RBM18: variants seen among roughly 807,000 people sequenced by gnomAD.
The protein encoded by RBM18 is probable RNA-binding protein 18.
In RBM18, 18 loss-of-function variants were observed where a neutral mutation model predicts 26.4. That is an observed-to-expected ratio of 0.68 (90% CI 0.47 to 1.01). The LOEUF (loss-of-function observed/expected upper bound fraction) is 1.01, where lower values mean the gene tolerates loss of function less well. Among genes scored for constraint, RBM18 ranks in the 50% least tolerant of loss-of-function variants. The probability of loss-of-function intolerance (pLI) is 0.00; values close to 1 mark genes in which losing one functional copy is unlikely to be tolerated. For synonymous variants in RBM18, 74 were observed against 81.1 expected, an observed-to-expected ratio of 0.91 and a Z score of 0.47; for missense variants, 180 against 219.2, an observed-to-expected ratio of 0.82 and a Z score of 1.13.
rs1006730115 is a variant in RBM18 at position 122,241,587 on chromosome 9, C to A, written c.*297G>T. 8.1e-5 allele frequency: 21 copies of A among 259,478 alleles called. No homozygotes were observed. The highest frequency in any genetic ancestry group is 1.4e-4 in the Non-Finnish European group (19 of 138,350). 16.1% of individuals were successfully genotyped at this position (259,478 alleles called of 1,614,324 possible). ...ATATTTTGTGTATTTGCCTTTTGCTCTGGCACACTATAGAATGTTTCTGGA... is the reference window on the plus strand; with the variant it reads ...ATATTTTGTGTATTTGCCTTTTGCTATGGCACACTATAGAATGTTTCTGGA... On this transcript the variant is annotated 3_prime_UTR_variant, in exon 6 of 6. Transcript: ENST00000417201.
At position 122,251,969 on chromosome 9, in the gene RBM18, G is replaced by A. The variant is rs1337675173; in HGVS notation, c.118C>T (p.His40Tyr). The A allele has an allele frequency of 1.2e-6, 2 of 1,614,048 alleles. No homozygotes were observed. Among genetic ancestry groups the A allele is most frequent in the Middle Eastern group, 1.6e-4 (1 of 6,062 alleles). Residue 40 changes from histidine to tyrosine, a missense_variant, in exon 3 of 6, where the codon CAC becomes TAC. Around this residue, in one of 3 missense-constraint regions of RBM18, gnomAD observed 49 missense variants for 56.6 expected, o/e 0.87. Transcript: ENST00000417201. ...AACTTCTGGAGGAGCTTGAGGAGGT[G>A]GTATCTGTGGAGAAAGAAGAGTCCA... ...GNLDPKITEY[H>Y]LLKLLQKFGK...
intron 4 of RBM18, 55 bp from the exon 5 acceptor site, chr9:122,245,396 T>A (rs1831489677): frequency 9.3e-7 from 1 of 1,076,390 alleles, no homozygotes; most frequent in African/African-American, 1.6e-5. Context: ...AGCCCTTTAC[T>A]GTAGTGGATG....
intron 2 of RBM18, among the ~76,000 whole-genome samples, chr9:122,255,915 C>T (rs1212705679): frequency 6.6e-6 from 1 of 151,782 alleles, no homozygotes; most frequent in Non-Finnish European, 1.5e-5. Flanking sequence ...GGGAGGATTG[C>T]CTGAGCTTGG....
chr9:122,258,200 A>G (rs1165517482), intron 2 of RBM18, among the ~76,000 whole-genome samples: 1 of 152,212 alleles, frequency 6.6e-6, no homozygotes, highest in African/African-American at 2.4e-5. Flanking sequence ...CCTTTTAATT[A>G]AGTAAATTAA....
intron 2 of RBM18, among the ~76,000 whole-genome samples, chr9:122,254,049 C>A (rs1282039774): frequency 1.4e-5 from 2 of 147,520 alleles, no homozygotes; most frequent in Non-Finnish European, 3.0e-5. Flanking sequence ...AGAAAAAAAA[C>A]CCACAAAAAC....
At chr9:122,254,974 A>G (rs1465184455) in intron 2 of RBM18, among the ~76,000 whole-genome samples, 2 of 152,178 alleles carry the variant, frequency 1.3e-5, no homozygotes, top group African/African-American at 4.8e-5. Context: ...CAAAGGTGAA[A>G]AAGGGTCTGA....
intron 5 of RBM18, among the ~76,000 whole-genome samples, chr9:122,242,895 C>T (rs868025366): frequency 2.0e-5 from 3 of 152,046 alleles, no homozygotes; most frequent in African/African-American, 4.8e-5. Flanking sequence ...GGTGTGATTT[C>T]GGCTCACTGC....
At position 122,241,927 on chromosome 9, in the gene RBM18, C is replaced by CT. The variant is rs1387873678; in HGVS notation, c.529dup (p.Arg177LysfsTer7). The CT allele has an allele frequency of 6.2e-7, 1 of 1,614,014 alleles. No homozygotes were observed. Among genetic ancestry groups the CT allele is most frequent in the Non-Finnish European group, 8.5e-7 (1 of 1,179,946 alleles). ...TGCTGTTCTAGAATATGGAGTAGTC[C>CT]TTTTTTTATCTGGTGGCTTAAAGTA... On this transcript the variant is annotated frameshift_variant, in exon 6 of 6. Coordinates refer to ENST00000417201, the MANE Select transcript of RBM18 (RefSeq NM_033117.4). LOFTEE classifies it high-confidence loss of function.
At chr9:122,262,616 C>T (rs1831820085) in intron 1 of RBM18, among the ~76,000 whole-genome samples, 1 of 152,166 alleles carries the variant, frequency 6.6e-6, no homozygotes, top group Non-Finnish European at 1.5e-5. Context: ...CAGACTCTCG[C>T]TCTGTTGCCC....
rs1554813988 is a variant in RBM18 at position 122,250,080 on chromosome 9, A to AAAAAAAAAAAAG, written c.240+1766_240+1767insCTTTTTTTTTTT. ...GCAAGACCTTATTTAAAAAAAAAAA[A>AAAAAAAAAAAAG]GAATGCTAATTCTATATTCTATATT... On this transcript the variant is annotated intron_variant, in intron 3 of 5. Transcript: ENST00000417201. Among the ~76,000 whole-genome samples, 23 of 150,518 alleles carry AAAAAAAAAAAAG rather than the reference A, an allele frequency of 1.5e-4. 2 individuals are homozygous for AAAAAAAAAAAAG. The highest frequency in any genetic ancestry group is 2.1e-4 in the South Asian group (1 of 4,780).
chr9:122,246,048 C>T (rs905387976), intron 4 of RBM18, among the ~76,000 whole-genome samples: 1 of 152,186 alleles, frequency 6.6e-6, no homozygotes, highest in African/African-American at 2.4e-5. Flanking sequence ...ATATTCAACT[C>T]TTAACAGGCC....
At chr9:122,248,353 A>C (rs1831540066) in intron 3 of RBM18, among the ~76,000 whole-genome samples, 1 of 152,162 alleles carries the variant, frequency 6.6e-6, no homozygotes, top group Non-Finnish European at 1.5e-5. Context: ...ACATATATGC[A>C]CTTCCGTTAG....
At chr9:122,247,692 G>T in intron 3 of RBM18, 88 bp from the exon 4 acceptor site, 1 of 970,658 alleles carries the variant, frequency 1.0e-6, no homozygotes, top group Non-Finnish European at 1.6e-6. Context: ...AGCTTTGATG[G>T]CTGAGTTTCT....
At position 122,251,938 on chromosome 9, in the gene RBM18, T is replaced by G; in HGVS notation, c.149A>C (p.Lys50Thr). ...GAAGAGGAAGTCAAACTGCTTTACC[T>G]TGCCAAACTTCTGGAGGAGCTTGAG... ...HLLKLLQKFGKVKQFDFLFHK... is the reference protein window; with the variant it reads ...HLLKLLQKFGTVKQFDFLFHK... Residue 50 changes from lysine to threonine, a missense_variant, in exon 3 of 6, where the codon AAG (lysine) becomes ACG (threonine). Around this residue, in one of 3 missense-constraint regions of RBM18, gnomAD observed 49 missense variants for 56.6 expected, o/e 0.87. Transcript: ENST00000417201. The G allele has an allele frequency of 6.2e-7, 1 of 1,614,156 alleles. No individual in the cohort carries two copies. The highest frequency in any genetic ancestry group is 8.5e-7 in the Non-Finnish European group (1 of 1,179,988).
intron 2 of RBM18, among the ~76,000 whole-genome samples, chr9:122,252,608 T>C (rs1314806565): frequency 6.6e-6 from 1 of 152,192 alleles, no homozygotes; most frequent in African/African-American, 2.4e-5. Context: ...ATGAGGACAA[T>C]GTGGAACAAC....
chr9:122,252,403 A>C (rs78679646), intron 2 of RBM18, among the ~76,000 whole-genome samples: 1 of 25,060 alleles, frequency 4.0e-5, no homozygotes, highest in Non-Finnish European at 2.1e-4. Flanking sequence ...TCCTATCTCA[A>C]AAATAAAGTA....
chr9:122,247,414 T>C, intron 4 of RBM18, 104 bp downstream of exon 4: 1 of 939,058 alleles, frequency 1.1e-6, no homozygotes, highest in Non-Finnish European at 1.7e-6. Flanking sequence ...GTATGGCTGT[T>C]TCAGGTGTGA....
At chr9:122,242,913 G>A (rs1012870437) in intron 5 of RBM18, among the ~76,000 whole-genome samples, 5 of 152,048 alleles carry the variant, frequency 3.3e-5, no homozygotes, top group African/African-American at 7.2e-5. Flanking sequence ...TGCAACCTCC[G>A]CCTCCCAGGT....
chr9:122,261,507 T>C lies in RBM18; in HGVS notation c.-15A>G, dbSNP rs750883017. ...TCTGCTTCCATCAATGTCTATGAAA[T>C]ACTAAAGGAAATGTGAACATTCAGG... is the stretch of plus-strand genomic sequence containing the variant. On this transcript the variant is annotated splice_region_variant and 5_prime_UTR_variant, in exon 2 of 6. Transcript: ENST00000417201. 6.4e-7 allele frequency: 1 copy of C among 1,561,022 alleles called. No homozygotes were observed. The highest frequency in any genetic ancestry group is 8.8e-7 in the Non-Finnish European group (1 of 1,131,440).
Sources: gnomAD v4.1 joint callset for allele counts (sites outside exome capture counted in the v4.1 genomes callset) on GRCh38, gnomAD v4.1.1 for gene constraint, gnomAD v4.1.1 regional missense constraint, MANE v1.5 for transcripts, NCBI Gene and HGNC (gene_info 2026-07-23, HGNC 2026-07-21) for gene names.